The following TBATA variants were observed in gnomAD, a reference collection of about 807,000 sequenced individuals.
The protein encoded by TBATA is thymus, brain and testes associated.
In TBATA, 47 loss-of-function variants were observed where a neutral mutation model predicts 38.7. The observed-to-expected ratio is 1.21, with a 90% CI of 0.96 to 1.55. TBATA has a LOEUF of 1.55. TBATA is among the 40% of genes most tolerant of loss of function. The pLI, the probability that TBATA is intolerant of heterozygous loss-of-function variation, is 0.00. For missense variants in TBATA, 436 were observed against 435.6 expected (o/e 1.00, Z -0.01); for synonymous variants, 183 against 170.5 (o/e 1.07, Z -0.57).
At position 70,784,773 on chromosome 10, in the gene TBATA, C is replaced by A. The variant is rs528667623; in HGVS notation, c.-273G>T. The A allele has an allele frequency of 1.3e-5, 2 of 152,226 alleles. No individual in the cohort carries two copies. The highest frequency in any genetic ancestry group is 1.3e-4 in the Admixed American group (2 of 15,296). The allele number at this position is 152,226 out of a possible 1,614,324, so 9.4% of individuals were successfully genotyped here. ...TATGTGGAAGCCCCAAATCCTCCTG[C>A]CTATGGGAAAAAGTACTCTTTAGAA... On this transcript the variant is annotated splice_region_variant and 5_prime_UTR_variant, in exon 2 of 11. Coordinates refer to ENST00000456372, the MANE Select transcript of TBATA (RefSeq NM_001318241.2).
intron 3 of TBATA, chr10:70,782,641 G>A: frequency 1.0e-6 from 1 of 985,456 alleles, no homozygotes; most frequent in Non-Finnish European, 1.2e-6. Context: ...GTGGCGCTGA[G>A]GGAAGCTTCA....
At chr10:70,776,596 C>T (rs1179519126) in intron 7 of TBATA, among the ~76,000 whole-genome samples, 4 of 152,200 alleles carry the variant, frequency 2.6e-5, no homozygotes, top group Admixed American at 2.6e-4. Flanking sequence ...TGGCAGAATG[C>T]TGGGTCTACC....
At chr10:70,782,470 T>A (rs1844364923) in intron 3 of TBATA, 1 of 1,290,732 alleles carries the variant, frequency 7.7e-7, no homozygotes, top group Non-Finnish European at 1.0e-6. Context: ...AGAGGCCAGC[T>A]ATAGGCTGTC....
intron 6 of TBATA, chr10:70,777,744 C>T (rs1158284865): frequency 2.6e-5 from 11 of 420,980 alleles, no homozygotes; most frequent in Non-Finnish European, 5.1e-5. Context: ...CATCCTGCAC[C>T]AAGGGCCCAC....
chr10:70,775,929 C>T (rs995264620), intron 7 of TBATA, among the ~76,000 whole-genome samples: 12 of 152,302 alleles, frequency 7.9e-5, no homozygotes, highest in Admixed American at 3.3e-4. Context: ...TTGCTACTTC[C>T]GGGCTCATTT....
intron 10 of TBATA, 105 bp from the exon 11 acceptor site, chr10:70,771,566 G>T: frequency 1.9e-6 from 2 of 1,050,240 alleles, no homozygotes; most frequent in Non-Finnish European, 1.4e-6. Flanking sequence ...TCTGAGTCAA[G>T]CCCAGCTCCT....
intron 10 of TBATA, chr10:70,772,112 T>C (rs1010640836): frequency 2.6e-5 from 11 of 415,746 alleles, no homozygotes; most frequent in Non-Finnish European, 5.4e-5. Context: ...TAGACTTGGG[T>C]AGAGCTGTAT....
intron 10 of TBATA, 154 bp downstream of exon 10, chr10:70,772,360 G>A: frequency 2.0e-6 from 1 of 506,936 alleles, no homozygotes; most frequent in South Asian, 3.1e-5. Context: ...ATAAATATTT[G>A]TTAAAGAATG....
In TBATA at chr10:70,783,448, C is replaced by G. The variant is rs1332169188; in HGVS notation, c.-69G>C. On this transcript the variant is annotated 5_prime_UTR_variant, in exon 3 of 11. Transcript: ENST00000456372. ...GCGTTGAGGATGCAGAACAGGAACT[C>G]TCACTTAATACTAGTGTTGAGGATG... is the stretch of plus-strand genomic sequence containing the variant. 39 of 1,564,282 alleles carry G rather than the reference C, an allele frequency of 2.5e-5. No individual in the cohort carries two copies. The highest frequency in any genetic ancestry group is 3.3e-5 in the Non-Finnish European group (38 of 1,137,018).
At chr10:70,772,035 C>T (rs1041311064) in intron 10 of TBATA, among the ~76,000 whole-genome samples, 2 of 152,194 alleles carry the variant, frequency 1.3e-5, no homozygotes, top group Non-Finnish European at 2.9e-5. Context: ...AAGGCCCCAG[C>T]CACCATGGTC....
intron 9 of TBATA, 56 bp from the exon 10 acceptor site, chr10:70,772,622 C>G (rs897645969): frequency 3.3e-5 from 52 of 1,585,052 alleles, no homozygotes; most frequent in Non-Finnish European, 4.3e-5. Flanking sequence ...CCTGACCCCA[C>G]GGGTGGCAGG....
At position 70,775,219 on chromosome 10, in the gene TBATA, G is replaced by A. The variant is rs756387243; in HGVS notation, c.745C>T (p.Gln249Ter). Reference protein sequence around the residue: ...ILETDLLSAIQFWLLYAPPKE... With the variant: ...ILETDLLSAI ...GGCGGAGCGTAGAGCAGCCAGAACT[G>A]GATTGCGCTTAGCAAGTCTGTTTCC... is the stretch of plus-strand genomic sequence containing the variant. Residue 249 changes from glutamine (Q) to a stop codon, truncating the protein, a stop_gained, in exon 8 of 11, where the codon CAG becomes TAG. Coordinates refer to ENST00000456372, the MANE Select transcript of TBATA (RefSeq NM_001318241.2). LOFTEE classifies it high-confidence loss of function. The A allele has an allele frequency of 6.2e-7, 1 of 1,614,166 alleles. No homozygotes were observed. Among genetic ancestry groups the A allele is most frequent in the Admixed American group, 1.7e-5 (1 of 60,032 alleles).
rs541674352 is a variant in TBATA, at chr10:70,774,167, G to C, written c.920+46C>G. 9 of 1,603,656 alleles carry C rather than the reference G, an allele frequency of 5.6e-6. No individual in the cohort carries two copies. In the South Asian group the frequency reaches 1.0e-4, roughly 18 times the overall value. ...CTCCAGGTCCCACTGGCCTCACCTGGGAGGACAGAAGGCTGCAGAAGGGCA... is the reference window on the plus strand; with the variant it reads ...CTCCAGGTCCCACTGGCCTCACCTGCGAGGACAGAAGGCTGCAGAAGGGCA... On this transcript the variant is annotated intron_variant, in intron 9 of 10. Coordinates refer to ENST00000456372, the MANE Select transcript of TBATA (RefSeq NM_001318241.2).
intron 2 of TBATA, among the ~76,000 whole-genome samples, 185 bp downstream of exon 2, chr10:70,784,462 C>A (rs1844640617): frequency 6.6e-6 from 1 of 152,084 alleles, no homozygotes; most frequent in African/African-American, 2.4e-5. Flanking sequence ...GGGGTTGGGA[C>A]AGGACATCAG....
intron 2 of TBATA, among the ~76,000 whole-genome samples, chr10:70,783,935 T>C (rs541089322): frequency 5.3e-5 from 8 of 152,368 alleles, no homozygotes; most frequent in Middle Eastern, 3.4e-3. Context: ...ACAAGATATA[T>C]GCATTTGAAA....
In TBATA at chr10:70,782,302, T is replaced by A. The variant is rs1372403623; in HGVS notation, c.42-266A>T. 4 of 1,482,076 alleles carry A rather than the reference T, an allele frequency of 2.7e-6. No individual in the cohort carries two copies. In the East Asian group the frequency reaches 1.1e-4, roughly 41 times the overall value. 91.8% of individuals were successfully genotyped at this position (1,482,076 alleles called of 1,614,324 possible). On this transcript the variant is annotated intron_variant, in intron 3 of 10. Coordinates refer to ENST00000456372, the MANE Select transcript of TBATA (RefSeq NM_001318241.2). Reference sequence around the variant, plus strand: ...AACTCAGACTCTCCCAGCACCCCAGTTTTTTCCCAGAGACCATATCTGAAA... The same window carrying A: ...AACTCAGACTCTCCCAGCACCCCAGATTTTTCCCAGAGACCATATCTGAAA...
rs535577351 is a variant in TBATA, at chr10:70,772,898, T to C, written c.921-332A>G. ...CTCCCCCTAGCCCTGACTCACTCGCTCCACTGGTTTCCTTGTGGACTTCCC... is the reference window on the plus strand; with the variant it reads ...CTCCCCCTAGCCCTGACTCACTCGCCCCACTGGTTTCCTTGTGGACTTCCC... On this transcript the variant is annotated intron_variant, in intron 9 of 10. Coordinates refer to ENST00000456372, the MANE Select transcript of TBATA (RefSeq NM_001318241.2). Among the ~76,000 whole-genome samples the C allele has an allele frequency of 4.0e-4, 61 of 152,292 alleles. 1 individual carries two copies. The South Asian group carries it at 8.9e-3, about 22-fold the overall frequency.
chr10:70,775,308 C>T (rs757484698), intron 7 of TBATA, 38 bp from the exon 8 acceptor site: 1 of 1,581,308 alleles, frequency 6.3e-7, no homozygotes, highest in Non-Finnish European at 8.7e-7. Flanking sequence ...GCCAGGAGTA[C>T]AGGCAAGGAG....
At chr10:70,775,821 C>A (rs879456751) in intron 7 of TBATA, among the ~76,000 whole-genome samples, 2 of 152,212 alleles carry the variant, frequency 1.3e-5, no homozygotes, top group Non-Finnish European at 2.9e-5. Context: ...TGAGGCGGGG[C>A]AGCACAGGCC....
Sources: gnomAD v4.1 joint callset for allele counts (sites outside exome capture counted in the v4.1 genomes callset) on GRCh38, gnomAD v4.1.1 for gene constraint, MANE v1.5 for transcripts, NCBI Gene and HGNC (gene_info 2026-07-23, HGNC 2026-07-21) for gene names.